EPHX2: variants seen among roughly 807,000 people sequenced by gnomAD.
The protein encoded by EPHX2 is epoxide hydrolase 2, also known as bifunctional epoxide hydrolase 2.
A neutral mutation model predicts 78.7 loss-of-function variants in EPHX2; 74 were observed. The ratio of observed to expected loss-of-function variants is 0.94; its 90% CI spans 0.78 to 1.14. The LOEUF (loss-of-function observed/expected upper bound fraction) is 1.14, where lower values mean the gene tolerates loss of function less well. EPHX2 is among the 50% of genes most tolerant of loss of function. EPHX2 has a pLI of 0.00. For missense variants in EPHX2, 715 were observed against 702.5 expected, an observed-to-expected ratio of 1.02 and a Z score of -0.20; for synonymous variants, 251 against 255.2, an observed-to-expected ratio of 0.98 and a Z score of 0.16.
In EPHX2 at chr8:27,541,542, G is replaced by A. The variant is rs200666408; in HGVS notation, c.1449G>A (p.Lys483=). ...WKWACKSLGR[K]ILIPALMVTA... is the part of the protein sequence containing the mutation. Reference sequence around the variant, plus strand: ...GGGCTTGCAAAAGCTTGGGACGGAAGGTGAGTGCCAGGTTCAGTGTAGTCT... The same window carrying A: ...GGGCTTGCAAAAGCTTGGGACGGAAAGTGAGTGCCAGGTTCAGTGTAGTCT... Residue 483 remains lysine (K), a splice_region_variant and synonymous_variant, in exon 16 of 19, where the codon AAG becomes AAA. Coordinates refer to ENST00000521400, the MANE Select transcript of EPHX2 (RefSeq NM_001979.6). The A allele has an allele frequency of 3.1e-5, 50 of 1,614,104 alleles. No homozygotes were observed. The highest frequency in any genetic ancestry group is 4.2e-5 in the Non-Finnish European group (49 of 1,180,024).
intron 14 of EPHX2, 130 bp downstream of exon 14, chr8:27,538,822 C>T (rs1401778513): frequency 8.8e-6 from 9 of 1,021,854 alleles, no homozygotes; most frequent in Middle Eastern, 2.0e-4. Flanking sequence ...CAACCAGGGT[C>T]CCCTCGGCAT....
intron 3 of EPHX2, 107 bp downstream of exon 3, chr8:27,503,870 C>G: frequency 7.3e-7 from 1 of 1,366,212 alleles, no homozygotes; most frequent in African/African-American, 1.5e-5. Flanking sequence ...TCTTCTGAGC[C>G]ACGATGGAAA....
intron 6 of EPHX2, among the ~76,000 whole-genome samples, chr8:27,514,691 CAG>C (rs767822038): frequency 6.6e-6 from 1 of 152,146 alleles, no homozygotes; most frequent in African/African-American, 2.4e-5. Flanking sequence ...GTCATTCAGG[CAG>C]AGATAGGCAA....
intron 16 of EPHX2, among the ~76,000 whole-genome samples, chr8:27,542,153 T>A (rs149073208): frequency 6.6e-6 from 1 of 152,300 alleles, no homozygotes; most frequent in Non-Finnish European, 1.5e-5. Flanking sequence ...ATGGTTACCT[T>A]GTTGGTTCAC....
chr8:27,548,228 G>A (rs1815605757), downstream of EPHX2, among the ~76,000 whole-genome samples: 9 of 152,304 alleles, frequency 5.9e-5, no homozygotes, highest in South Asian at 1.9e-3. Context: ...GGGAACCCAC[G>A]GTTTTAGACC....
At chr8:27,521,853 A>G (rs554382698) in intron 10 of EPHX2, among the ~76,000 whole-genome samples, 1 of 152,214 alleles carries the variant, frequency 6.6e-6, no homozygotes, top group African/African-American at 2.4e-5. Context: ...TCGCTCTGTG[A>G]TGTTTGTGTG....
In EPHX2 at chr8:27,543,624, T is replaced by C. The variant is rs1406402126; in HGVS notation, c.1450-125T>C. 4 of 869,956 alleles carry C rather than the reference T, an allele frequency of 4.6e-6. No individual in the cohort carries two copies. In the African/African-American group the frequency reaches 5.0e-5, roughly 11 times the overall value. 53.9% of individuals were successfully genotyped at this position (869,956 alleles called of 1,614,324 possible). A position where few individuals can be genotyped will look rare whatever the true frequency, so the allele number is the denominator to read the frequency against. On this transcript the variant is annotated intron_variant, in intron 16 of 18. Transcript: ENST00000521400. ...TCTCCAGTAATAACCACGAGTCTGT[T>C]GTGCAAAGTTCGGCAGATACAACGT...
downstream of EPHX2, among the ~76,000 whole-genome samples, chr8:27,548,000 G>C (rs76247948): frequency 0.054 from 8,158 of 152,192 alleles, 396 homozygotes; most frequent in African/African-American, 0.12. Flanking sequence ...CCTTAAAAAA[G>C]AGGTCCAGCA....
chr8:27,530,328 A>C (rs7357432), intron 12 of EPHX2, among the ~76,000 whole-genome samples: 11,571 of 152,252 alleles, frequency 0.076, 495 homozygotes, highest in East Asian at 0.13. Flanking sequence ...GCTATTTAAA[A>C]AAGTCCTGTG....
intron 6 of EPHX2, among the ~76,000 whole-genome samples, chr8:27,514,167 G>A (rs72475834): frequency 2.7e-3 from 414 of 152,108 alleles, no homozygotes; most frequent in Middle Eastern, 0.01. Flanking sequence ...AATTAGCTGG[G>A]GTGGTGGTAT....
intron 12 of EPHX2, among the ~76,000 whole-genome samples, chr8:27,530,056 A>T (rs1443303797): frequency 1.4e-5 from 2 of 142,030 alleles, no homozygotes; most frequent in Non-Finnish European, 3.0e-5. Context: ...CAAAACATTG[A>T]GTCTCTCTCT....
chr8:27,494,819 G>C (rs1298580401), intron 1 of EPHX2, among the ~76,000 whole-genome samples: 1 of 152,228 alleles, frequency 6.6e-6, no homozygotes, highest in Non-Finnish European at 1.5e-5. Context: ...CCACTGGCTG[G>C]CTTCGGGCAT....
At chr8:27,513,405 G>C (rs1814327966) in intron 6 of EPHX2, among the ~76,000 whole-genome samples, 1 of 152,064 alleles carries the variant, frequency 6.6e-6, no homozygotes, top group Admixed American at 6.6e-5. Context: ...CCGTGGACAG[G>C]GTTATTCTCA....
Position 27,545,049 on chromosome 8 carries a change from T to C in EPHX2, c.*527T>C, listed in dbSNP as rs1056462644. 1.3e-5 allele frequency: 2 copies of C among 158,362 alleles called. No individual in the cohort carries two copies. Among genetic ancestry groups the C allele is most frequent in the African/African-American group, 4.8e-5 (2 of 41,490 alleles). 9.8% of individuals were successfully genotyped at this position (158,362 alleles called of 1,614,324 possible). A position where few individuals can be genotyped will look rare whatever the true frequency, so the allele number is the denominator to read the frequency against. On this transcript the variant is annotated 3_prime_UTR_variant, in exon 19 of 19. Coordinates refer to ENST00000521400, the MANE Select transcript of EPHX2 (RefSeq NM_001979.6). ...CCAAGGTGCTGTATGATCTAGGCCG[T>C]GCTGGCCAGGAGACAATCCTATGGG...
chr8:27,518,483 T>C (rs1814536679), intron 9 of EPHX2, among the ~76,000 whole-genome samples: 1 of 152,168 alleles, frequency 6.6e-6, no homozygotes, highest in South Asian at 2.1e-4. Flanking sequence ...GAATTCCTGC[T>C]CTAAGACAGG....
chr8:27,495,500 G>A (rs368821202), intron 1 of EPHX2, among the ~76,000 whole-genome samples: 2 of 152,322 alleles, frequency 1.3e-5, no homozygotes, highest in East Asian at 1.9e-4. Flanking sequence ...ATTCATGCTC[G>A]ATTGGTTCCC....
intron 1 of EPHX2, 108 bp downstream of exon 1, chr8:27,491,417 A>G: frequency 1.3e-6 from 1 of 757,642 alleles, no homozygotes; most frequent in African/African-American, 1.9e-5. Context: ...AGCCCTGCGA[A>G]TCATGCGAAT....
At chr8:27,538,142 A>AG (rs1294732878) in intron 13 of EPHX2, among the ~76,000 whole-genome samples, 1 of 152,224 alleles carries the variant, frequency 6.6e-6, no homozygotes, top group Non-Finnish European at 1.5e-5. Flanking sequence ...TGAATTCCCA[A>AG]GGGGGTGTCT....
intron 5 of EPHX2, among the ~76,000 whole-genome samples, chr8:27,508,894 C>T (rs1814123642): frequency 6.7e-6 from 1 of 149,674 alleles, no homozygotes; most frequent in African/African-American, 2.5e-5. Context: ...GACCATCAAA[C>T]ACCAACTTTC....
Sources: allele counts gnomAD v4.1 joint callset (sites outside exome capture counted in the v4.1 genomes callset), GRCh38; gene constraint gnomAD v4.1.1; transcripts MANE v1.5; gene names NCBI Gene and HGNC (gene_info 2026-07-23, HGNC 2026-07-21).